SPATA31A1: variants seen among roughly 807,000 people sequenced by gnomAD.
The protein encoded by SPATA31A1 is SPATA31 subfamily A member 1.
For missense variants in SPATA31A1, 579 were observed against 1,476.3 expected (o/e 0.39, Z 9.96); for synonymous variants, 194 against 573.4 (o/e 0.34, Z 9.45).
Position 39,360,945 on chromosome 9 carries a change from C to A in SPATA31A1, c.3180C>A (p.Ser1060Arg). 6.3e-7 allele frequency: 1 copy of A among 1,598,474 alleles called. No individual in the cohort carries two copies. The highest frequency in any genetic ancestry group is 1.1e-5 in the South Asian group (1 of 90,320). Residue 1060 changes from serine (S) to arginine (R), a missense_variant, in exon 4 of 4, where the codon AGC becomes AGA. By Grantham distance (110) the Ser-to-Arg change is moderately radical (BLOSUM62 -1). Coordinates refer to ENST00000377647, the MANE Select transcript of SPATA31A1 (RefSeq NM_001085452.4). ...VSQVPQGHLQ[S>R]MPAGNMRASQ... Reference sequence around the variant, plus strand: ...AAGTGCCCCAGGGCCATCTCCAGAGCATGCCTGCTGGGAACATGCGGGCTT... The same window carrying A: ...AAGTGCCCCAGGGCCATCTCCAGAGAATGCCTGCTGGGAACATGCGGGCTT...
At chr9:39,356,464 C>T (rs1823329217) in intron 1 of SPATA31A1, among the ~76,000 whole-genome samples, 1 of 126,722 alleles carries the variant, frequency 7.9e-6, no homozygotes, top group Admixed American at 8.0e-5. Flanking sequence ...CGTGGTGGAC[C>T]TCATATTGAA....
In SPATA31A1 at chr9:39,359,482, A is replaced by T. The variant is rs1435538160; in HGVS notation, c.1717A>T (p.Thr573Ser). 6.5e-7 allele frequency: 1 copy of T among 1,537,560 alleles called. No individual in the cohort carries two copies. Among genetic ancestry groups the T allele is most frequent in the Non-Finnish European group, 8.9e-7 (1 of 1,125,694 alleles). Residue 573 changes from threonine (T) to serine (S), a missense_variant, in exon 4 of 4, where the codon ACT becomes TCT. By Grantham distance (58) the Thr-to-Ser change is moderately conservative. Coordinates refer to ENST00000377647, the MANE Select transcript of SPATA31A1 (RefSeq NM_001085452.4). ...QKSQDVFSVS[T>S]PNLPQESLTS... ...ATCTCAGGACGTCTTTAGTGTCTCC[A>T]CTCCTAACCTTCCCCAGGAAAGTTT...
chr9:39,361,273 T>C lies in SPATA31A1; in HGVS notation c.3508T>C (p.Phe1170Leu), dbSNP rs1823460398. 1 of 1,612,142 alleles carries C rather than the reference T, an allele frequency of 6.2e-7. No individual in the cohort carries two copies. Among genetic ancestry groups the C allele is most frequent in the Non-Finnish European group, 8.5e-7 (1 of 1,179,818 alleles). Residue 1170 changes from phenylalanine to leucine, a missense_variant, in exon 4 of 4, where the codon TTT becomes CTT. Transcript: ENST00000377647. ...CCACTTTGGAGGAAACATCAAGCAA[T>C]TTTTTCAGTGGATTTTTTCAAAGAA... ...VSHFGGNIKQFFQWIFSKKKS... is the reference protein window; with the variant it reads ...VSHFGGNIKQLFQWIFSKKKS...
Position 39,360,624 on chromosome 9 carries a change from G to A in SPATA31A1, c.2859G>A (p.Glu953=). The A allele has an allele frequency of 6.2e-7, 1 of 1,608,494 alleles. No homozygotes were observed. Among genetic ancestry groups the A allele is most frequent in the Non-Finnish European group, 8.5e-7 (1 of 1,178,918 alleles). Residue 953 remains glutamate, a synonymous_variant, in exon 4 of 4, where the codon GAG becomes GAA. Coordinates refer to ENST00000377647, the MANE Select transcript of SPATA31A1 (RefSeq NM_001085452.4). ...AQSSKAGETR[E]AVPQCRVPLE... ...CTTCAAAGGCTGGAGAGACAAGGGA[G>A]GCAGTGCCACAATGCAGAGTCCCCT... is the stretch of plus-strand genomic sequence containing the variant.
At chr9:39,356,455 G>A (rs1010755315) in intron 1 of SPATA31A1, among the ~76,000 whole-genome samples, 4 of 130,958 alleles carry the variant, frequency 3.1e-5, no homozygotes, top group African/African-American at 6.0e-5. Flanking sequence ...GAAGGTGTCC[G>A]TGGTGGACCT....
chr9:39,361,205 G>A lies in SPATA31A1; in HGVS notation c.3440G>A (p.Gly1147Asp). 2 of 1,611,508 alleles carry A rather than the reference G, an allele frequency of 1.2e-6. No homozygotes were observed. Among genetic ancestry groups the A allele is most frequent in the South Asian group, 1.1e-5 (1 of 90,956 alleles). Residue 1147 changes from glycine to aspartate, a missense_variant, in exon 4 of 4, where the codon GGC becomes GAC. By Grantham distance (94) the Gly-to-Asp change is moderately conservative. Transcript: ENST00000377647. ...RKTEDTHQDE[G>D]VQLLPSKKQP... ...ACAGAAGACACCCATCAGGATGAAG[G>A]CGTCCAGCTACTGCCATCAAAGAAA...
chr9:39,361,419 C>T lies in SPATA31A1; in HGVS notation c.3654C>T (p.Asp1218=), dbSNP rs1232543080. ...TGACGGCAGTTGGACAAATGCTGGACGAGAAAATGTCACTTTGCCATGCGC... is the reference window on the plus strand; with the variant it reads ...TGACGGCAGTTGGACAAATGCTGGATGAGAAAATGTCACTTTGCCATGCGC... ...GLMTAVGQML[D]EKMSLCHARH... Residue 1218 remains aspartate (D), a synonymous_variant, in exon 4 of 4, where the codon GAC becomes GAT. Transcript: ENST00000377647. 226 of 1,613,432 alleles carry T rather than the reference C, an allele frequency of 1.4e-4. No individual in the cohort carries two copies. In the East Asian group the frequency reaches 1.5e-3, roughly 11 times the overall value.
rs1416946558 is a variant in SPATA31A1, at chr9:39,358,700, T to A, written c.935T>A (p.Met312Lys). ...LSRHPPETYQMEAGSLFLLSS... is the reference protein window; with the variant it reads ...LSRHPPETYQKEAGSLFLLSS... The stretch of plus-strand genomic sequence containing the variant: ...CGCCACCCACCAGAGACCTACCAGA[T>A]GGAAGCTGGTAGCCTGTTTTTGCTC... The change falls in exon 4 of 4, where the codon ATG (methionine) becomes AAG (lysine). Residue 312 changes from methionine to lysine, a missense_variant. Physicochemically the swap from Met to Lys is moderately conservative, Grantham distance 95 (BLOSUM62 -1). Transcript: ENST00000377647. 5 of 1,608,178 alleles carry A rather than the reference T, an allele frequency of 3.1e-6. No homozygotes were observed. In the East Asian group the frequency reaches 1.1e-4, roughly 36 times the overall value.
intron 3 of SPATA31A1, 67 bp downstream of exon 3, chr9:39,357,885 A>G: frequency 2.0e-6 from 3 of 1,503,574 alleles, no homozygotes; most frequent in Non-Finnish European, 2.7e-6. Flanking sequence ...GGCCACAGGC[A>G]GCCTGGAGCT....
chr9:39,361,518 G>A lies in SPATA31A1; in HGVS notation c.3753G>A (p.Arg1251=). 1 of 1,612,980 alleles carries A rather than the reference G, an allele frequency of 6.2e-7. No homozygotes were observed. Among genetic ancestry groups the A allele is most frequent in the Non-Finnish European group, 8.5e-7 (1 of 1,179,726 alleles). ...APVCGFPCNH[R]HLFYSEHGRI... ...TCTGTGGGTTTCCCTGCAACCACAG[G>A]CACCTCTTCTACTCAGAACACGGCA... The change falls in exon 4 of 4, where the codon AGG becomes AGA. Residue 1251 remains arginine, a synonymous_variant. Transcript: ENST00000377647.
rs1274770563 is a variant in SPATA31A1, at chr9:39,361,146, A to T, written c.3381A>T (p.Gly1127=). 1.2e-6 allele frequency: 2 copies of T among 1,611,186 alleles called. No individual in the cohort carries two copies. Among genetic ancestry groups the T allele is most frequent in the Admixed American group, 1.7e-5 (1 of 59,924 alleles). ...AAAAACATGAAGAAAGGCTTGAAGG[A>T]TTGAGGACTCCTCAACTTACCCCAG... ...NLEKHEERLE[G]LRTPQLTPVR... The change falls in exon 4 of 4, where the codon GGA becomes GGT. Residue 1127 remains glycine (G), a synonymous_variant. Transcript: ENST00000377647.
Position 39,358,823 on chromosome 9 carries a change from G to A in SPATA31A1, c.1058G>A (p.Arg353Gln), listed in dbSNP as rs1190727151. The change falls in exon 4 of 4, where the codon CGA (arginine) becomes CAA (glutamine). Residue 353 changes from arginine to glutamine, a missense_variant. Transcript: ENST00000377647. ...GAAAATGTTGGATCATTTACAGATC[G>A]AATGACCCCAGAAAAGCACTTAAAT... ...EKENVGSFTD[R>Q]MTPEKHLNSL... 14 of 1,596,918 alleles carry A rather than the reference G, an allele frequency of 8.8e-6. No homozygotes were observed. The highest frequency in any genetic ancestry group is 5.4e-5 in the African/African-American group (4 of 74,704).
intron 3 of SPATA31A1, 93 bp from the exon 4 acceptor site, chr9:39,357,981 G>A: frequency 1.3e-6 from 2 of 1,596,400 alleles, no homozygotes; most frequent in Non-Finnish European, 1.7e-6. Context: ...CAATCAGGGT[G>A]TGGGGTGGTG....
At chr9:39,356,482 CTGTGTGTGTGTG>C (rs201386587) in intron 1 of SPATA31A1, among the ~76,000 whole-genome samples, 73 of 123,952 alleles carry the variant, frequency 5.9e-4, no homozygotes, top group African/African-American at 9.2e-4. Flanking sequence ...GAAAATCCCT[CTGTGTGTGTGTG>C]TGTGTGTGTG....
chr9:39,361,282 T>C lies in SPATA31A1; in HGVS notation c.3517T>C (p.Trp1173Arg), dbSNP rs1238862330. The change falls in exon 4 of 4, where the codon TGG becomes CGG. Residue 1173 changes from tryptophan (W) to arginine (R), a missense_variant. Trp to Arg is a moderately radical substitution (Grantham distance 101, BLOSUM62 -3). Coordinates refer to ENST00000377647, the MANE Select transcript of SPATA31A1 (RefSeq NM_001085452.4). The part of the protein sequence containing the change: ...FGGNIKQFFQ[W>R]IFSKKKSKPA... ...AGGAAACATCAAGCAATTTTTTCAG[T>C]GGATTTTTTCAAAGAAAAAAAGCAA... 1.2e-5 allele frequency: 20 copies of C among 1,612,306 alleles called. No individual in the cohort carries two copies. The Admixed American group carries it at 3.2e-4, about 26-fold the overall frequency.
rs1381203513 is a variant in SPATA31A1, at chr9:39,361,206, C to T, written c.3441C>T (p.Gly1147=). Residue 1147 remains glycine, a synonymous_variant, in exon 4 of 4, where the codon GGC becomes GGT. Transcript: ENST00000377647. ...CAGAAGACACCCATCAGGATGAAGG[C>T]GTCCAGCTACTGCCATCAAAGAAAC... is the stretch of plus-strand genomic sequence containing the variant. ...RKTEDTHQDE[G]VQLLPSKKQP... 6.7e-5 allele frequency: 108 copies of T among 1,611,478 alleles called. 1 individual carries two copies. The highest frequency in any genetic ancestry group is 5.2e-4 in the Admixed American group (31 of 59,966).
At position 39,361,232 on chromosome 9, in the gene SPATA31A1, A is replaced by T. The variant is rs1348794996; in HGVS notation, c.3467A>T (p.Gln1156Leu). The change falls in exon 4 of 4, where the codon CAG becomes CTG. Residue 1156 changes from glutamine (Q) to leucine (L), a missense_variant. Transcript: ENST00000377647. ...GTCCAGCTACTGCCATCAAAGAAAC[A>T]GCCTCCTTCAGTAAGCCACTTTGGA... ...EGVQLLPSKKQPPSVSHFGGN... is the reference protein window; with the variant it reads ...EGVQLLPSKKLPPSVSHFGGN... 2 of 1,611,534 alleles carry T rather than the reference A, an allele frequency of 1.2e-6. No homozygotes were observed. Among genetic ancestry groups the T allele is most frequent in the African/African-American group, 2.7e-5 (2 of 74,568 alleles).
chr9:39,361,020 C>G lies in SPATA31A1; in HGVS notation c.3255C>G (p.His1085Gln). The G allele has an allele frequency of 6.2e-7, 1 of 1,610,996 alleles. No individual in the cohort carries two copies. Among genetic ancestry groups the G allele is most frequent in the East Asian group, 2.2e-5 (1 of 44,856 alleles). ...LMAARRSKLV[H>Q]EEPRNPNCQG... is the part of the protein sequence containing the mutation. ...CAGCCAGAAGGAGCAAACTGGTGCA[C>G]GAGGAGCCCAGAAACCCAAACTGTC... The change falls in exon 4 of 4, where the codon CAC becomes CAG. Residue 1085 changes from histidine to glutamine, a missense_variant. Physicochemically the swap from His to Gln is conservative, Grantham distance 24 (BLOSUM62 0). Transcript: ENST00000377647.
Position 39,358,895 on chromosome 9 carries a change from C to G in SPATA31A1, c.1130C>G (p.Thr377Arg), listed in dbSNP as rs1328059070. ...AKSLDAEQDTTNPKPFWNMGE... is the reference protein window; with the variant it reads ...AKSLDAEQDTRNPKPFWNMGE... ...TCATTGGATGCTGAGCAGGACACCA[C>G]AAACCCAAAACCCTTCTGGAACATG... Residue 377 changes from threonine (T) to arginine (R), a missense_variant, in exon 4 of 4, where the codon ACA becomes AGA. Thr to Arg is a moderately conservative substitution (Grantham distance 71). Transcript: ENST00000377647. 1.3e-6 allele frequency: 2 copies of G among 1,595,512 alleles called. No homozygotes were observed. The highest frequency in any genetic ancestry group is 1.1e-5 in the South Asian group (1 of 90,938).
Sources: gnomAD v4.1 joint callset for allele counts (sites outside exome capture counted in the v4.1 genomes callset) on GRCh38, gnomAD v4.1.1 for gene constraint, MANE v1.5 for transcripts, NCBI Gene and HGNC (gene_info 2026-07-23, HGNC 2026-07-21) for gene names.